Variants in FAM241A observed in about 807,000 individuals in gnomAD.
The protein encoded by FAM241A is uncharacterized protein FAM241A.
FAM241A carries 7 observed loss-of-function variants against 12.2 expected under a neutral mutation model. The ratio of observed to expected loss-of-function variants is 0.58; its 90% CI spans 0.33 to 1.08. The LOEUF is 1.08. FAM241A is among the 50% of genes least tolerant of loss of function. FAM241A has a pLI of 0.04. For synonymous variants in FAM241A, 74 were observed against 68.2 expected (o/e 1.08, Z -0.42); for missense variants, 161 against 169.7 (o/e 0.95, Z 0.29).
chr4:112,171,357 T>G, intron 1 of FAM241A: 1 of 757,858 alleles, frequency 1.3e-6, no homozygotes, highest in Non-Finnish European at 2.4e-6. Context: ...GCAGAGTGAC[T>G]ATGGGGGACA....
intron 1 of FAM241A, among the ~76,000 whole-genome samples, chr4:112,172,254 T>C (rs1723738806): frequency 6.6e-6 from 1 of 152,198 alleles, no homozygotes; most frequent in Admixed American, 6.5e-5. Context: ...AGTTAAAAAT[T>C]TCATTTAAAC....
At chr4:112,156,076 A>G (rs1488309028) in intron 1 of FAM241A, among the ~76,000 whole-genome samples, 1 of 152,256 alleles carries the variant, frequency 6.6e-6, no homozygotes, top group East Asian at 1.9e-4. Context: ...GATTTTAAAC[A>G]GGATAGAGTA....
Position 112,194,932 on chromosome 4 carries a change from A to C in FAM241A, c.*7994A>C, listed in dbSNP as rs1724238483. 1 of 152,184 alleles carries C rather than the reference A, an allele frequency of 6.6e-6. No homozygotes were observed. 9.4% of individuals were successfully genotyped at this position (152,184 alleles called of 1,614,324 possible). A position where few individuals can be genotyped will look rare whatever the true frequency, so the allele number is the denominator to read the frequency against. On this transcript the variant is annotated 3_prime_UTR_variant, in exon 2 of 2. Coordinates refer to ENST00000309733, the MANE Select transcript of FAM241A (RefSeq NM_152400.3). ...GTTGGGATTACAGGCACATGCTGGCATGCCTGTATTTTTGTATTTTTAGTA... is the reference window on the plus strand; with the variant it reads ...GTTGGGATTACAGGCACATGCTGGCCTGCCTGTATTTTTGTATTTTTAGTA...
chr4:112,156,846 A>G (rs1051094034), intron 1 of FAM241A, among the ~76,000 whole-genome samples: 1 of 152,216 alleles, frequency 6.6e-6, no homozygotes, highest in Non-Finnish European at 1.5e-5. Flanking sequence ...GAAATGCTGT[A>G]TTTAAAAATT....
At chr4:112,175,324 C>T (rs1723797656) in intron 1 of FAM241A, among the ~76,000 whole-genome samples, 1 of 152,162 alleles carries the variant, frequency 6.6e-6, no homozygotes, top group East Asian at 1.9e-4. Flanking sequence ...CTACAACTCA[C>T]CAGCTATCTA....
intron 1 of FAM241A, among the ~76,000 whole-genome samples, chr4:112,168,665 A>T (rs1393245748): frequency 2.0e-5 from 3 of 149,886 alleles, no homozygotes; most frequent in Non-Finnish European, 4.5e-5. Context: ...CTATATTTGG[A>T]TTTTTTTTTT....
chr4:112,165,334 G>T (rs1723571612), intron 1 of FAM241A, among the ~76,000 whole-genome samples: 1 of 152,160 alleles, frequency 6.6e-6, no homozygotes, highest in South Asian at 2.1e-4. Flanking sequence ...ACTATGGAGA[G>T]AACAGTTTGG....
At chr4:112,183,999 GA>G (rs1460047533) in intron 1 of FAM241A, among the ~76,000 whole-genome samples, 1 of 151,842 alleles carries the variant, frequency 6.6e-6, no homozygotes, top group Non-Finnish European at 1.5e-5. Context: ...TTTAAAAAAA[GA>G]AAAGATCCAC....
intron 1 of FAM241A, among the ~76,000 whole-genome samples, chr4:112,160,687 G>A (rs1452301055): frequency 6.6e-6 from 1 of 152,120 alleles, no homozygotes; most frequent in Non-Finnish European, 1.5e-5. Flanking sequence ...AAAACAGTGT[G>A]GTACTGGCAT....
intron 1 of FAM241A, among the ~76,000 whole-genome samples, chr4:112,146,395 C>T (rs1374673181): frequency 6.6e-6 from 1 of 152,112 alleles, no homozygotes; most frequent in African/African-American, 2.4e-5. Flanking sequence ...AGAGAAGTTG[C>T]GTAATTTTTT....
At chr4:112,161,953 T>C (rs898849698) in intron 1 of FAM241A, among the ~76,000 whole-genome samples, 15 of 152,144 alleles carry the variant, frequency 9.9e-5, no homozygotes, top group African/African-American at 3.1e-4. Context: ...TCAAAAAGCT[T>C]ATCCACCACT....
chr4:112,185,784 A>AC (rs1345575678), intron 1 of FAM241A, among the ~76,000 whole-genome samples: 2 of 152,032 alleles, frequency 1.3e-5, no homozygotes, highest in African/African-American at 4.8e-5. Context: ...GTGTTGGAAA[A>AC]CCCCCAAATT....
chr4:112,186,915 G>A lies in FAM241A; in HGVS notation c.376G>A (p.Val126Ile), dbSNP rs889540759. 2 of 1,613,536 alleles carry A rather than the reference G, an allele frequency of 1.2e-6. No homozygotes were observed. The highest frequency in any genetic ancestry group is 1.3e-5 in the African/African-American group (1 of 74,948). Residue 126 changes from valine to isoleucine, a missense_variant, in exon 2 of 2, where the codon GTT becomes ATT. Physicochemically the swap from Val to Ile is conservative, Grantham distance 29. Coordinates refer to ENST00000309733, the MANE Select transcript of FAM241A (RefSeq NM_152400.3). ...ALGLVAVLCL[V>I]IIYVQQ ...TGGACTAGTTGCTGTTCTTTGCCTT[G>A]TTATTATTTATGTGCAACAGTAAAA...
intron 1 of FAM241A, among the ~76,000 whole-genome samples, chr4:112,163,182 A>G (rs1426789809): frequency 1.3e-5 from 2 of 152,194 alleles, no homozygotes; most frequent in African/African-American, 4.8e-5. Context: ...AGACTTAAAT[A>G]TTAGACCTAA....
chr4:112,188,379 A>G lies in FAM241A; in HGVS notation c.*1441A>G, dbSNP rs1724087755. ...TCTTAGTGTCTTCTCATTCTGAAAC[A>G]GAAAATAAGGAAAAACATTTAACTT... On this transcript the variant is annotated 3_prime_UTR_variant, in exon 2 of 2. Transcript: ENST00000309733. 2 of 152,210 alleles carry G rather than the reference A, an allele frequency of 1.3e-5. No individual in the cohort carries two copies. Among genetic ancestry groups the G allele is most frequent in the South Asian group, 4.1e-4 (2 of 4,838 alleles). The allele number at this position is 152,210 out of a possible 1,614,324, so 9.4% of individuals were successfully genotyped here.
intron 1 of FAM241A, 100 bp from the exon 2 acceptor site, chr4:112,186,593 T>C (rs891568744): frequency 1.9e-6 from 2 of 1,080,192 alleles, no homozygotes; most frequent in Non-Finnish European, 2.6e-6. Flanking sequence ...TTATCAGAAG[T>C]ATGCCCAGCA....
intron 1 of FAM241A, among the ~76,000 whole-genome samples, chr4:112,155,257 TTG>T (rs78443707): frequency 0.44 from 66,976 of 151,788 alleles, 15,332 homozygotes; most frequent in East Asian, 0.62. Context: ...GTGGTTTCAT[TTG>T]TGTGTCTGCA....
In FAM241A at chr4:112,145,545, C is replaced by T. The variant is rs771882449; in HGVS notation, c.-36C>T. ...CCTGGTGCGTCGCGGCGTGGTCCTC[C>T]GGCGGCTGTCCGGGGCGGTAGGAGT... On this transcript the variant is annotated 5_prime_UTR_variant, in exon 1 of 2. Coordinates refer to ENST00000309733, the MANE Select transcript of FAM241A (RefSeq NM_152400.3). 8.9e-6 allele frequency: 11 copies of T among 1,236,184 alleles called. No individual in the cohort carries two copies. The Admixed American group carries it at 1.1e-4, about 13-fold the overall frequency. The allele number at this position is 1,236,184 out of a possible 1,614,324, so 76.6% of individuals were successfully genotyped here.
chr4:112,161,414 C>A (rs145519937), intron 1 of FAM241A, among the ~76,000 whole-genome samples: 2 of 151,876 alleles, frequency 1.3e-5, no homozygotes, highest in South Asian at 2.1e-4. Flanking sequence ...AGACTGCTAG[C>A]AAGACCAATA....
Sources: allele counts gnomAD v4.1 joint callset (sites outside exome capture counted in the v4.1 genomes callset), GRCh38; gene constraint gnomAD v4.1.1; transcripts MANE v1.5; gene names NCBI Gene and HGNC (gene_info 2026-07-23, HGNC 2026-07-21).